CNTN6: variants seen among roughly 807,000 people sequenced by gnomAD.
CNTN6 encodes the protein contactin 6.
In CNTN6, 137 loss-of-function variants were observed where a neutral mutation model predicts 122.8. The ratio of observed to expected loss-of-function variants is 1.12; its 90% confidence interval spans 0.97 to 1.29. CNTN6 has a LOEUF of 1.29. Among genes scored for constraint, CNTN6 ranks in the 50% most tolerant of loss-of-function variants. CNTN6 has a pLI of 0.00. For missense variants in CNTN6, 1,634 were observed against 1,223.4 expected, an observed-to-expected ratio of 1.34 and a Z score of -5.01; for synonymous variants, 570 against 426.0, an observed-to-expected ratio of 1.34 and a Z score of -4.16.
intron 1 of CNTN6, among the ~76,000 whole-genome samples, chr3:1,118,950 A>G (rs1324155431): frequency 1.3e-5 from 2 of 152,148 alleles, no homozygotes; most frequent in African/African-American, 4.8e-5. Flanking sequence ...TGATCCATGA[A>G]TTCATAAGGT....
In CNTN6 at chr3:1,308,287, T is replaced by TTGTGTGTGTGTGTG. The variant is rs113198519; in HGVS notation, c.761+10319_761+10332dup. On this transcript the variant is annotated intron_variant, in intron 7 of 22. Transcript: ENST00000446702. The stretch of plus-strand genomic sequence containing the variant: ...TGCACTCATCAATGTATGGGGTGTT[T>TTGTGTGTGTGTGTG]TGTGTGTGTGTGTGTGTGTGTGTGT... 3.5e-3 allele frequency among the ~76,000 whole-genome samples: 503 copies of TTGTGTGTGTGTGTG among 144,906 alleles called. 3 individuals carry two copies. Among genetic ancestry groups the TTGTGTGTGTGTGTG allele is most frequent in the Middle Eastern group, 0.025 (7 of 284 alleles).
At chr3:1,158,808 A>ATATATATGTGTGTATATATGTG (rs1491559333) in intron 2 of CNTN6, among the ~76,000 whole-genome samples, 157 of 39,232 alleles carry the variant, frequency 4.0e-3, no homozygotes, top group African/African-American at 9.1e-3. Context: ...ATATACACAC[A>ATATATATGTGTGTATATATGTG]TATATATACA....
chr3:1,193,977 T>G (rs1330828609), intron 2 of CNTN6, among the ~76,000 whole-genome samples: 3 of 152,106 alleles, frequency 2.0e-5, no homozygotes, highest in Non-Finnish European at 2.9e-5. Context: ...TCTATGTTTT[T>G]TTTCCCCAAA....
intron 11 of CNTN6, among the ~76,000 whole-genome samples, chr3:1,333,644 A>G (rs1230493768): frequency 1.3e-5 from 2 of 152,102 alleles, no homozygotes; most frequent in Non-Finnish European, 2.9e-5. Context: ...CATTGTCACT[A>G]ACTCTTGCAG....
intron 3 of CNTN6, among the ~76,000 whole-genome samples, chr3:1,225,987 A>AG: frequency 6.6e-6 from 1 of 152,296 alleles, no homozygotes; most frequent in East Asian, 1.9e-4. Context: ...GGCATTTGTC[A>AG]GATTCTCCCC....
intron 5 of CNTN6, among the ~76,000 whole-genome samples, chr3:1,289,576 T>C (rs900697311): frequency 1.1e-4 from 16 of 152,046 alleles, no homozygotes; most frequent in African/African-American, 3.1e-4. Context: ...AACGCAAATA[T>C]ACAAGGTGGT....
intron 2 of CNTN6, among the ~76,000 whole-genome samples, chr3:1,214,301 CTT>C (rs34799447): frequency 3.0e-4 from 13 of 44,034 alleles, no homozygotes; most frequent in African/African-American, 6.9e-4. Context: ...TGTTGGATGT[CTT>C]TTTTTTTTTT....
At chr3:1,144,865 G>A (rs2092691039) in intron 1 of CNTN6, among the ~76,000 whole-genome samples, 2 of 152,222 alleles carry the variant, frequency 1.3e-5, no homozygotes, top group South Asian at 2.1e-4. Flanking sequence ...TTGTACCCAG[G>A]AACAGAACTA....
chr3:1,368,951 G>A (rs1054666742), intron 12 of CNTN6, among the ~76,000 whole-genome samples: 11 of 152,040 alleles, frequency 7.2e-5, no homozygotes, highest in East Asian at 3.9e-4. Flanking sequence ...CCTTAATGAC[G>A]TTTGTGGCTT....
At chr3:1,344,838 A>G (rs559895369) in intron 11 of CNTN6, among the ~76,000 whole-genome samples, 2 of 152,218 alleles carry the variant, frequency 1.3e-5, no homozygotes, top group South Asian at 4.1e-4. Flanking sequence ...CTGATTAACA[A>G]TTGTCTGTGC....
chr3:1,203,284 A>T (rs926130382), intron 2 of CNTN6, among the ~76,000 whole-genome samples: 3 of 152,232 alleles, frequency 2.0e-5, no homozygotes, highest in South Asian at 2.1e-4. Context: ...ACAAAGAACC[A>T]GGAAATTATA....
At chr3:1,374,653 C>G (rs1165336946) in intron 16 of CNTN6, among the ~76,000 whole-genome samples, 1 of 152,046 alleles carries the variant, frequency 6.6e-6, no homozygotes, top group Non-Finnish European at 1.5e-5. Context: ...TCAATGGATC[C>G]TCTTTGTTCC....
intron 20 of CNTN6, among the ~76,000 whole-genome samples, chr3:1,400,073 T>C (rs1434237289): frequency 1.3e-5 from 2 of 152,018 alleles, no homozygotes; most frequent in African/African-American, 2.4e-5. Context: ...ACACAGGAGA[T>C]TAAACAGCAG....
At chr3:1,225,002 C>G (rs1163043662) in intron 3 of CNTN6, among the ~76,000 whole-genome samples, 1 of 152,160 alleles carries the variant, frequency 6.6e-6, no homozygotes, top group Admixed American at 6.5e-5. Flanking sequence ...CCTGCCTCGG[C>G]CTTCCAAAGT....
At chr3:1,227,368 A>T (rs2094297450) in intron 3 of CNTN6, among the ~76,000 whole-genome samples, 1 of 152,142 alleles carries the variant, frequency 6.6e-6, no homozygotes, top group Non-Finnish European at 1.5e-5. Context: ...ATCAGCCCTG[A>T]ATTGGCGTTG....
In CNTN6 at chr3:1,220,728, C is replaced by G. The variant is rs375339019; in HGVS notation, c.97C>G (p.His33Asp). The G allele has an allele frequency of 6.2e-7, 1 of 1,613,274 alleles. No homozygotes were observed. The highest frequency in any genetic ancestry group is 1.1e-5 in the South Asian group (1 of 91,004). The part of the protein sequence containing the change: ...LSRPIFTQEP[H>D]DVIFPLDLSK... ...CCGTCCTATTTTTACTCAGGAGCCACATGATGTCATTTTTCCTTTGGATTT... is the reference window on the plus strand; with the variant it reads ...CCGTCCTATTTTTACTCAGGAGCCAGATGATGTCATTTTTCCTTTGGATTT... The change falls in exon 3 of 23, where the codon CAT (histidine) becomes GAT (aspartate). Residue 33 changes from histidine (H) to aspartate (D), a missense_variant. Coordinates refer to ENST00000446702, the MANE Select transcript of CNTN6 (RefSeq NM_001289080.2).
chr3:1,124,584 T>A (rs1176976753), intron 1 of CNTN6, among the ~76,000 whole-genome samples: 1 of 151,834 alleles, frequency 6.6e-6, no homozygotes, highest in Non-Finnish European at 1.5e-5. Flanking sequence ...ACATATTGGG[T>A]ATAGTGTACA....
intron 1 of CNTN6, among the ~76,000 whole-genome samples, chr3:1,122,989 T>C (rs2092021043): frequency 6.6e-6 from 1 of 151,870 alleles, no homozygotes; most frequent in Admixed American, 6.6e-5. Flanking sequence ...GGTGGTTCTA[T>C]GTGGAGTTTT....
intron 7 of CNTN6, among the ~76,000 whole-genome samples, chr3:1,299,987 T>A (rs891630322): frequency 6.6e-6 from 1 of 152,084 alleles, no homozygotes; most frequent in African/African-American, 2.4e-5. Context: ...CATTCTACTT[T>A]TTTTTTTGAG....
Sources: allele counts gnomAD v4.1 joint callset (sites outside exome capture counted in the v4.1 genomes callset), GRCh38; gene constraint gnomAD v4.1.1; transcripts MANE v1.5; gene names NCBI Gene and HGNC (gene_info 2026-07-23, HGNC 2026-07-21).